Variants in TPD52L1 observed in about 807,000 individuals in gnomAD.
TPD52L1 encodes the protein TPD52 like 1, also known as tumor protein D53.
In TPD52L1, 18 loss-of-function variants were observed where a neutral mutation model predicts 28.7. That is an observed-to-expected ratio of 0.63 (90% confidence interval 0.43 to 0.93). TPD52L1 has a LOEUF of 0.93. Ranked by LOEUF, TPD52L1 falls within the 40% of genes least tolerant of loss-of-function variation. The pLI is 0.00. For missense variants in TPD52L1, 203 were observed against 254.8 expected (o/e 0.80, Z 1.39); for synonymous variants, 75 against 88.8 (o/e 0.84, Z 0.88).
intron 2 of TPD52L1, among the ~76,000 whole-genome samples, chr6:125,227,718 G>T (rs1269343002): frequency 6.6e-6 from 1 of 152,182 alleles, no homozygotes; most frequent in African/African-American, 2.4e-5. Flanking sequence ...ATGTTATAGA[G>T]TATGACAACT....
At chr6:125,223,731 A>G (rs1392502847) in intron 2 of TPD52L1, among the ~76,000 whole-genome samples, 1 of 146,918 alleles carries the variant, frequency 6.8e-6, no homozygotes, top group Non-Finnish European at 1.5e-5. Context: ...AAAAAAAAAA[A>G]GGAATCTCTT....
chr6:125,236,237 T>C (rs185350362), intron 3 of TPD52L1, among the ~76,000 whole-genome samples: 11 of 152,342 alleles, frequency 7.2e-5, no homozygotes, highest in Non-Finnish European at 1.0e-4. Flanking sequence ...TAACACTGCA[T>C]TAAACTACCT....
chr6:125,234,071 A>T (rs1163772527), intron 3 of TPD52L1, among the ~76,000 whole-genome samples: 2 of 152,234 alleles, frequency 1.3e-5, no homozygotes, highest in Admixed American at 6.5e-5. Context: ...GGAAGTTTAC[A>T]TGTACTCAAC....
chr6:125,175,101 G>A (rs564471319), intron 1 of TPD52L1, among the ~76,000 whole-genome samples: 1 of 152,012 alleles, frequency 6.6e-6, no homozygotes, highest in African/African-American at 2.4e-5. Context: ...TTTATATTAT[G>A]CATAATCATT....
chr6:125,164,335 G>A (rs1790739543), intron 1 of TPD52L1, among the ~76,000 whole-genome samples: 1 of 152,152 alleles, frequency 6.6e-6, no homozygotes, highest in Non-Finnish European at 1.5e-5. Flanking sequence ...GGTGGAGGAT[G>A]CTCATTTATC....
chr6:125,205,624 G>T (rs565279726), intron 1 of TPD52L1, among the ~76,000 whole-genome samples: 2 of 152,106 alleles, frequency 1.3e-5, no homozygotes, highest in South Asian at 4.2e-4. Flanking sequence ...ACCTTTAATT[G>T]GTTTGAGCTC....
Position 125,260,953 on chromosome 6 carries a change from AAAGAAAGAAAGAAAGAAAGAAAGAAAAG to A in TPD52L1, c.487-1878_487-1851del, listed in dbSNP as rs1389101082. 3 of 39,858 alleles carry A rather than the reference AAAGAAAGAAAGAAAGAAAGAAAGAAAAG, an allele frequency of 7.5e-5. No individual in the cohort carries two copies. In the African/African-American group the frequency reaches 8.0e-4, roughly 11 times the overall value. The allele number at this position is 39,858 out of a possible 1,614,324, so 2.5% of individuals were successfully genotyped here. ...GAAAGAAAGAAAGAAAGAAAGAAAG[AAAGAAAGAAAGAAAGAAAGAAAGAAAAG>A]AAAAGAAAGAAAGAAAGAAAGAAAG... On this transcript the variant is annotated intron_variant, in intron 6 of 6. Coordinates refer to ENST00000534000, the MANE Select transcript of TPD52L1 (RefSeq NM_003287.4).
intron 1 of TPD52L1, among the ~76,000 whole-genome samples, chr6:125,172,810 T>C (rs1166041119): frequency 6.6e-6 from 1 of 151,502 alleles, no homozygotes; most frequent in African/African-American, 2.4e-5. Context: ...TCAGAATTTA[T>C]TGAATAAATA....
chr6:125,185,764 G>C (rs1792557300), intron 1 of TPD52L1, among the ~76,000 whole-genome samples: 1 of 152,020 alleles, frequency 6.6e-6, no homozygotes, highest in South Asian at 2.1e-4. Flanking sequence ...AAGTTAATTT[G>C]GGGTAATATA....
intron 1 of TPD52L1, among the ~76,000 whole-genome samples, chr6:125,157,045 T>C (rs997271754): frequency 2.6e-5 from 4 of 152,224 alleles, no homozygotes; most frequent in African/African-American, 9.6e-5. Context: ...TTTTTCCACT[T>C]GCACATTTTT....
intron 1 of TPD52L1, among the ~76,000 whole-genome samples, chr6:125,172,105 TTTCTTTCTTTCTTTCTTTCTTTC>T (rs1791366985): frequency 1.8e-5 from 1 of 54,190 alleles, no homozygotes; most frequent in African/African-American, 7.8e-5. Context: ...TTTCCCTTTC[TTTCTTTCTTTCTTTCTTTCTTTC>T]TTTCTTTCTT....
In TPD52L1 at chr6:125,220,046, A is replaced by T. The variant is rs1269376515; in HGVS notation, c.20-32A>T. On this transcript the variant is annotated intron_variant, in intron 1 of 6. Transcript: ENST00000534000. ...AAGTTGGTTTAAATTCACTTTAAAA[A>T]TTGCCTTCTGTTTTATCAATTCTGC... 3 of 1,509,164 alleles carry T rather than the reference A, an allele frequency of 2.0e-6. No individual in the cohort carries two copies. The East Asian group carries it at 6.8e-5, about 34-fold the overall frequency. 93.5% of individuals were successfully genotyped at this position (1,509,164 alleles called of 1,614,324 possible).
intron 1 of TPD52L1, among the ~76,000 whole-genome samples, chr6:125,204,429 A>G (rs985337203): frequency 1.3e-5 from 2 of 152,208 alleles, no homozygotes; most frequent in East Asian, 3.9e-4. Flanking sequence ...TGGTTATTTT[A>G]TATTCAACAC....
chr6:125,243,407 C>A (rs922333784), intron 3 of TPD52L1, among the ~76,000 whole-genome samples: 3 of 152,008 alleles, frequency 2.0e-5, no homozygotes, highest in Non-Finnish European at 4.4e-5. Context: ...GTTTTCCAAA[C>A]TAAAATTTTT....
At chr6:125,245,114 C>G (rs1272684480) in intron 3 of TPD52L1, among the ~76,000 whole-genome samples, 2 of 152,196 alleles carry the variant, frequency 1.3e-5, no homozygotes, top group South Asian at 2.1e-4. Flanking sequence ...AGTACTTGCT[C>G]TGGTGGAGGT....
intron 3 of TPD52L1, among the ~76,000 whole-genome samples, chr6:125,246,291 C>T (rs1012263228): frequency 1.3e-5 from 2 of 152,150 alleles, no homozygotes; most frequent in African/African-American, 4.8e-5. Flanking sequence ...TCTCTCCTCT[C>T]GCACTCTAGG....
intron 6 of TPD52L1, 88 bp from the exon 7 acceptor site, chr6:125,262,746 A>C: frequency 6.7e-7 from 1 of 1,487,188 alleles, no homozygotes. Flanking sequence ...CTGAATTTGA[A>C]AGTAATCCAG....
chr6:125,167,595 G>T (rs1790994688), intron 1 of TPD52L1, among the ~76,000 whole-genome samples: 1 of 152,150 alleles, frequency 6.6e-6, no homozygotes, highest in African/African-American at 2.4e-5. Flanking sequence ...TTGAAATATT[G>T]TTACAAATGT....
chr6:125,258,326 C>T (rs1055750178), intron 6 of TPD52L1, among the ~76,000 whole-genome samples: 14 of 152,262 alleles, frequency 9.2e-5, no homozygotes, highest in African/African-American at 2.9e-4. Context: ...CCAACATCAT[C>T]GCTTATTGAG....
Sources: allele counts gnomAD v4.1 joint callset (sites outside exome capture counted in the v4.1 genomes callset), GRCh38; gene constraint gnomAD v4.1.1; transcripts MANE v1.5; gene names NCBI Gene and HGNC (gene_info 2026-07-23, HGNC 2026-07-21).